Variants in EDNRA observed in about 807,000 individuals in gnomAD.
EDNRA encodes endothelin receptor type A, also known as endothelin-1 receptor.
A neutral mutation model predicts 41.4 loss-of-function variants in EDNRA; 11 were observed. The observed-to-expected ratio is 0.27, with a 90% CI of 0.17 to 0.44. The LOEUF is 0.44. Ranked by LOEUF, EDNRA falls within the 20% of genes least tolerant of loss-of-function variation. EDNRA has a pLI of 1.00. For synonymous variants in EDNRA, 172 were observed against 183.0 expected, an observed-to-expected ratio of 0.94 and a Z score of 0.49; for missense variants, 294 against 531.0, an observed-to-expected ratio of 0.55 and a Z score of 4.39.
chr4:147,498,542 C>T (rs543082372), intron 2 of EDNRA, among the ~76,000 whole-genome samples: 7 of 134,286 alleles, frequency 5.2e-5, no homozygotes, highest in African/African-American at 1.8e-4. Context: ...CTATTGCTTA[C>T]GTATTTTCTA....
chr4:147,482,490 G>C (rs1334622477), intron 1 of EDNRA, among the ~76,000 whole-genome samples: 1 of 152,190 alleles, frequency 6.6e-6, no homozygotes, highest in East Asian at 1.9e-4. Flanking sequence ...ATGATTCAAA[G>C]CACAGCCTGA....
At chr4:147,505,350 T>G (rs1197902693) in intron 2 of EDNRA, among the ~76,000 whole-genome samples, 1 of 110,454 alleles carries the variant, frequency 9.1e-6, no homozygotes, top group African/African-American at 4.0e-5. Context: ...TTTTTTTTTT[T>G]TTTTTGGAGG....
intron 7 of EDNRA, among the ~76,000 whole-genome samples, chr4:147,542,000 A>G (rs1731119010): frequency 6.6e-6 from 1 of 152,162 alleles, no homozygotes; most frequent in South Asian, 2.1e-4. Flanking sequence ...TTCTAATTCC[A>G]GTTCTAACTC....
At chr4:147,537,183 C>T (rs1730947662) in intron 5 of EDNRA, among the ~76,000 whole-genome samples, 1 of 152,148 alleles carries the variant, frequency 6.6e-6, no homozygotes, top group South Asian at 2.1e-4. Context: ...AACTACTATA[C>T]TGATTTTTCT....
intron 5 of EDNRA, among the ~76,000 whole-genome samples, chr4:147,539,265 C>A (rs781639459): frequency 2.6e-5 from 4 of 151,984 alleles, no homozygotes; most frequent in Non-Finnish European, 4.4e-5. Flanking sequence ...AAGGAAAAAA[C>A]ATAGTGCTAT....
chr4:147,501,881 C>T (rs1032081436), intron 2 of EDNRA, among the ~76,000 whole-genome samples: 6 of 152,174 alleles, frequency 3.9e-5, no homozygotes, highest in Non-Finnish European at 5.9e-5. Context: ...ACATAGGATT[C>T]CTGTGCCATA....
At chr4:147,504,580 A>G (rs1287327981) in intron 2 of EDNRA, among the ~76,000 whole-genome samples, 1 of 152,234 alleles carries the variant, frequency 6.6e-6, no homozygotes, top group African/African-American at 2.4e-5. Flanking sequence ...GAAACTCATG[A>G]AACATGATCC....
At position 147,490,435 on chromosome 4, in the gene EDNRA, A is replaced by G. The variant is rs147801070; in HGVS notation, c.420+4334A>G. 2.4e-4 allele frequency: 36 copies of G among 152,322 alleles called. 1 individual carries two copies. In the East Asian group the frequency reaches 6.8e-3, roughly 29 times the overall value. 9.4% of individuals were successfully genotyped at this position (152,322 alleles called of 1,614,324 possible). ...AAAGCAGGAAGGAGGAAGGGAAAGG[A>G]GTTAGCAGATTTTTTCATATACCCA... On this transcript the variant is annotated intron_variant, in intron 2 of 7. Transcript: ENST00000651419.
chr4:147,523,475 TTG>T (rs58530441), intron 3 of EDNRA, among the ~76,000 whole-genome samples: 24 of 99,698 alleles, frequency 2.4e-4, no homozygotes, highest in African/African-American at 1.1e-3. Flanking sequence ...TTTTTTGTTG[TTG>T]TTGTTTTTTT....
chr4:147,536,873 T>C (rs1008018835), intron 5 of EDNRA, among the ~76,000 whole-genome samples: 1 of 152,138 alleles, frequency 6.6e-6, no homozygotes, highest in Non-Finnish European at 1.5e-5. Flanking sequence ...CTTGGGCAAA[T>C]TGCTTAATCT....
chr4:147,498,439 G>T (rs756016254), intron 2 of EDNRA, among the ~76,000 whole-genome samples: 1 of 152,108 alleles, frequency 6.6e-6, no homozygotes, highest in Non-Finnish European at 1.5e-5. Context: ...TGCTTGATTC[G>T]CTCACCCAGG....
intron 5 of EDNRA, among the ~76,000 whole-genome samples, chr4:147,538,101 T>C (rs1238567208): frequency 6.6e-6 from 1 of 152,102 alleles, no homozygotes; most frequent in Non-Finnish European, 1.5e-5. Flanking sequence ...AGTTTATCTT[T>C]CTCCCATAGC....
At chr4:147,533,439 C>G (rs1293047345) in intron 4 of EDNRA, among the ~76,000 whole-genome samples, 1 of 152,168 alleles carries the variant, frequency 6.6e-6, no homozygotes, top group African/African-American at 2.4e-5. Context: ...ATAACTATTT[C>G]TCTTAAATCA....
At chr4:147,518,092 C>T (rs914125168) in intron 2 of EDNRA, among the ~76,000 whole-genome samples, 1 of 152,082 alleles carries the variant, frequency 6.6e-6, no homozygotes, top group Admixed American at 6.6e-5. Context: ...ATCCCATAAC[C>T]GTGCCTACAC....
At chr4:147,489,342 C>T (rs778117189) in intron 2 of EDNRA, 1 of 152,038 alleles carries the variant, frequency 6.6e-6, no homozygotes, top group Non-Finnish European at 1.5e-5. Context: ...AAGGTGTCTC[C>T]AGACAGACAA....
intron 3 of EDNRA, among the ~76,000 whole-genome samples, chr4:147,529,276 C>T (rs1730665623): frequency 6.6e-6 from 1 of 151,990 alleles, no homozygotes; most frequent in Non-Finnish European, 1.5e-5. Flanking sequence ...GTTAGGTGTC[C>T]TAGTGGAGCT....
chr4:147,506,190 T>C lies in EDNRA; in HGVS notation c.421-13661T>C. ...GACTCAAGGAAGGACTGAGGTGTCATTTACTTTGAATGAAGATCTTGCAAA... is the reference window on the plus strand; with the variant it reads ...GACTCAAGGAAGGACTGAGGTGTCACTTACTTTGAATGAAGATCTTGCAAA... On this transcript the variant is annotated intron_variant, in intron 2 of 7. Coordinates refer to ENST00000651419, the MANE Select transcript of EDNRA (RefSeq NM_001957.4). 7 of 526,228 alleles carry C rather than the reference T, an allele frequency of 1.3e-5. 1 individual carries two copies. The highest frequency in any genetic ancestry group is 9.8e-5 in the South Asian group (7 of 71,722). 32.6% of individuals were successfully genotyped at this position (526,228 alleles called of 1,614,324 possible).
intron 3 of EDNRA, among the ~76,000 whole-genome samples, chr4:147,531,159 C>A (rs1374731423): frequency 6.6e-6 from 1 of 152,104 alleles, no homozygotes; most frequent in African/African-American, 2.4e-5. Context: ...AGCATAATTT[C>A]TTATTATCAG....
chr4:147,538,116 A>G (rs1053521752), intron 5 of EDNRA, among the ~76,000 whole-genome samples: 2 of 152,162 alleles, frequency 1.3e-5, no homozygotes, highest in East Asian at 3.8e-4. Context: ...CATAGCAAAA[A>G]GTTCAGACAT....
Sources: gnomAD v4.1 joint callset for allele counts (sites outside exome capture counted in the v4.1 genomes callset) on GRCh38, gnomAD v4.1.1 for gene constraint, MANE v1.5 for transcripts, NCBI Gene and HGNC (gene_info 2026-07-23, HGNC 2026-07-21) for gene names.